Variants in CDH7 observed in about 807,000 individuals in gnomAD.
CDH7 encodes cadherin 7.
A neutral mutation model predicts 71.8 loss-of-function variants in CDH7; 25 were observed. The observed-to-expected ratio is 0.35, with a 90% confidence interval of 0.25 to 0.49. The LOEUF is 0.49. Ranked by LOEUF, CDH7 falls within the 20% of genes least tolerant of loss-of-function variation. The probability of loss-of-function intolerance (pLI) is 0.99; values close to 1 mark genes in which losing one functional copy is unlikely to be tolerated. For synonymous variants in CDH7, 381 were observed against 363.8 expected, an observed-to-expected ratio of 1.05 and a Z score of -0.54; for missense variants, 862 against 974.6, an observed-to-expected ratio of 0.88 and a Z score of 1.54.
intron 6 of CDH7, among the ~76,000 whole-genome samples, chr18:65,832,236 A>G (rs1912376159): frequency 2.0e-5 from 3 of 151,994 alleles, no homozygotes; most frequent in African/African-American, 7.2e-5. Flanking sequence ...ATGTATAATA[A>G]GATGTATTCC....
intron 7 of CDH7, among the ~76,000 whole-genome samples, chr18:65,852,158 A>C (rs907429597): frequency 1.7e-5 from 2 of 115,584 alleles, no homozygotes; most frequent in Non-Finnish European, 3.2e-5. Flanking sequence ...CAGAGGGGTG[A>C]AAAAAAACAA....
chr18:65,861,442 C>T (rs1431195912), intron 10 of CDH7, among the ~76,000 whole-genome samples: 5 of 123,080 alleles, frequency 4.1e-5, no homozygotes, highest in African/African-American at 2.4e-4. Flanking sequence ...CCTCTGACAT[C>T]GGAGTTGGTA....
chr18:65,877,120 C>T lies in CDH7; in HGVS notation c.1865-3281C>T, dbSNP rs563689836. ...AACATTAAATTCTATTTTTTATATG[C>T]GCTTACATGGTTAGAAATTAATATT... On this transcript the variant is annotated intron_variant, in intron 11 of 11. Coordinates refer to ENST00000397968, the MANE Select transcript of CDH7 (RefSeq NM_004361.5). 9.1e-4 allele frequency among the ~76,000 whole-genome samples: 139 copies of T among 152,192 alleles called. 1 individual carries two copies. The highest frequency in any genetic ancestry group is 2.9e-3 in the African/African-American group (122 of 41,524).
intron 2 of CDH7, among the ~76,000 whole-genome samples, chr18:65,782,901 G>A (rs113988824): frequency 0.014 from 2,101 of 152,172 alleles, 59 homozygotes; most frequent in African/African-American, 0.047. Flanking sequence ...ATATCTGGGC[G>A]TCATTTTAAA....
intron 1 of CDH7, among the ~76,000 whole-genome samples, chr18:65,760,317 C>T (rs1419997904): frequency 1.3e-5 from 2 of 152,110 alleles, no homozygotes; most frequent in Middle Eastern, 3.2e-3. Context: ...TTCAAGATTA[C>T]GTAGTTAAGA....
chr18:65,858,832 T>G, intron 8 of CDH7, 93 bp from the exon 9 acceptor site: 1 of 1,268,722 alleles, frequency 7.9e-7, no homozygotes, highest in Middle Eastern at 2.2e-4. Context: ...GCATTATGAT[T>G]CTAGATTTCA....
intron 7 of CDH7, among the ~76,000 whole-genome samples, chr18:65,852,305 T>C (rs1214170801): frequency 6.6e-6 from 1 of 152,156 alleles, no homozygotes; most frequent in African/African-American, 2.4e-5. Context: ...TAGAGTCCAG[T>C]ATCGAAATAA....
At chr18:65,780,691 T>A (rs1240385341) in intron 2 of CDH7, among the ~76,000 whole-genome samples, 2 of 151,254 alleles carry the variant, frequency 1.3e-5, no homozygotes, top group African/African-American at 4.9e-5. Flanking sequence ...AGTACCATGC[T>A]GTTTTGGTTA....
intron 2 of CDH7, among the ~76,000 whole-genome samples, chr18:65,795,401 A>G (rs190295409): frequency 7.0e-4 from 106 of 152,284 alleles, no homozygotes; most frequent in African/African-American, 2.5e-3. Context: ...ATGTTTCTCT[A>G]TAATAATATC....
intron 3 of CDH7, among the ~76,000 whole-genome samples, chr18:65,811,863 A>C (rs541635453): frequency 2.6e-5 from 4 of 152,078 alleles, no homozygotes; most frequent in Admixed American, 2.0e-4. Context: ...AACAGCATGA[A>C]TATTATGCAC....
intron 11 of CDH7, among the ~76,000 whole-genome samples, chr18:65,874,705 G>A (rs1914023762): frequency 6.6e-6 from 1 of 151,366 alleles, no homozygotes; most frequent in Admixed American, 6.6e-5. Flanking sequence ...TATTTTATAT[G>A]TATATACTTA....
intron 6 of CDH7, among the ~76,000 whole-genome samples, chr18:65,836,267 A>C (rs974916874): frequency 7.2e-5 from 11 of 152,216 alleles, no homozygotes; most frequent in Admixed American, 7.2e-4. Context: ...TCAAAATGGA[A>C]CATTTCTATG....
At chr18:65,820,413 G>C (rs529336486) in intron 4 of CDH7, among the ~76,000 whole-genome samples, 27 of 151,970 alleles carry the variant, frequency 1.8e-4, no homozygotes, top group Admixed American at 9.2e-4. Context: ...AATTTTCTCT[G>C]TGTGTGTGTA....
chr18:65,842,994 C>A (rs1912792531), intron 6 of CDH7, among the ~76,000 whole-genome samples: 1 of 151,922 alleles, frequency 6.6e-6, no homozygotes, highest in African/African-American at 2.4e-5. Context: ...GAAAAAGAAG[C>A]ATGTTATTGT....
At position 65,822,339 on chromosome 18, in the gene CDH7, C is replaced by A. The variant is rs1289036452; in HGVS notation, c.793+91C>A. ...TAAAATGACTTTTTTTCAAATACTT[C>A]TAAAGCAAATAATTGTCTTACTTCA... is the stretch of plus-strand genomic sequence containing the variant. On this transcript the variant is annotated intron_variant, in intron 5 of 11. Coordinates refer to ENST00000397968, the MANE Select transcript of CDH7 (RefSeq NM_004361.5). 5 of 973,074 alleles carry A rather than the reference C, an allele frequency of 5.1e-6. No individual in the cohort carries two copies. In the East Asian group the frequency reaches 1.3e-4, roughly 25 times the overall value. 60.3% of individuals were successfully genotyped at this position (973,074 alleles called of 1,614,324 possible). A position where few individuals can be genotyped will look rare whatever the true frequency, so the allele number is the denominator to read the frequency against.
intron 7 of CDH7, among the ~76,000 whole-genome samples, chr18:65,846,502 T>C (rs1912939815): frequency 6.6e-6 from 1 of 152,218 alleles, no homozygotes; most frequent in Non-Finnish European, 1.5e-5. Flanking sequence ...TCTTGAGTCA[T>C]GTTTAATACT....
intron 2 of CDH7, among the ~76,000 whole-genome samples, chr18:65,772,773 C>G (rs1175221227): frequency 6.6e-6 from 1 of 152,002 alleles, no homozygotes; most frequent in African/African-American, 2.4e-5. Flanking sequence ...AAAACACAAG[C>G]TTTATTACAA....
At chr18:65,806,412 A>G (rs1473262207) in intron 2 of CDH7, among the ~76,000 whole-genome samples, 1 of 150,752 alleles carries the variant, frequency 6.6e-6, no homozygotes, top group Admixed American at 6.6e-5. Flanking sequence ...TTTTTTTGTT[A>G]TTGTTTAGGC....
Position 65,827,102 on chromosome 18 carries a change from CATT to C in CDH7, c.981+2274_981+2276del, listed in dbSNP as rs144476446. Among the ~76,000 whole-genome samples the C allele has an allele frequency of 2.9e-3, 439 of 151,686 alleles. 4 individuals are homozygous for C. Among genetic ancestry groups the C allele is most frequent in the African/African-American group, 0.01 (430 of 41,502 alleles). Reference sequence around the variant, plus strand: ...TATTATTAAATATTTATTCATCAATCATTATATGAGAAGTTAGCTAAATATTTT... The same window carrying C: ...TATTATTAAATATTTATTCATCAATCATATGAGAAGTTAGCTAAATATTTT... On this transcript the variant is annotated intron_variant, in intron 6 of 11. Transcript: ENST00000397968.
Sources: allele counts gnomAD v4.1 joint callset (sites outside exome capture counted in the v4.1 genomes callset), GRCh38; gene constraint gnomAD v4.1.1; transcripts MANE v1.5; gene names NCBI Gene and HGNC (gene_info 2026-07-23, HGNC 2026-07-21).